The following PIK3CD variants were observed in gnomAD, a reference collection of about 807,000 sequenced individuals.
PIK3CD encodes phosphatidylinositol 4,5-bisphosphate 3-kinase catalytic subunit delta isoform.
Under a neutral mutation model 122.9 loss-of-function variants are expected in PIK3CD, and 20 were observed. The ratio of observed to expected loss-of-function variants is 0.16; its 90% CI spans 0.11 to 0.24. PIK3CD has a LOEUF of 0.24. Ranked by LOEUF, PIK3CD falls within the 10% of genes least tolerant of loss-of-function variation. The pLI, the probability that PIK3CD is intolerant of heterozygous loss-of-function variation, is 1.00. For synonymous variants in PIK3CD, 596 were observed against 593.4 expected, an observed-to-expected ratio of 1.00 and a Z score of -0.06; for missense variants, 787 against 1,406.3, an observed-to-expected ratio of 0.56 and a Z score of 7.04.
intron 1 of PIK3CD, among the ~76,000 whole-genome samples, chr1:9,684,266 G>C (rs1645879703): frequency 6.6e-6 from 1 of 152,186 alleles, no homozygotes; most frequent in Non-Finnish European, 1.5e-5. Flanking sequence ...GCTGGGCGCA[G>C]TGGCTCACGC....
Position 9,712,222 on chromosome 1 carries a change from A to G in PIK3CD, c.141+1626A>G, listed in dbSNP as rs1407616264. ...TGCCCCTTACTAAGCATGGGACTTG[A>G]GGGATCATGCCTTGGGCTGTGGGAG... On this transcript the variant is annotated intron_variant, in intron 3 of 23. Coordinates refer to ENST00000377346, the MANE Select transcript of PIK3CD (RefSeq NM_005026.5). 3.3e-5 allele frequency among the ~76,000 whole-genome samples: 5 copies of G among 152,158 alleles called. No homozygotes were observed. In the East Asian group the frequency reaches 7.7e-4, roughly 23 times the overall value.
At chr1:9,684,533 T>C (rs1166849055) in intron 1 of PIK3CD, among the ~76,000 whole-genome samples, 1 of 136,682 alleles carries the variant, frequency 7.3e-6, no homozygotes, top group Non-Finnish European at 1.5e-5. Context: ...AGAGACTCCG[T>C]CTCAAAAAAA....
At chr1:9,630,153 C>T in the PIK3CD span, among the ~76,000 whole-genome samples, 13 of 152,346 alleles carry the variant, frequency 8.5e-5, no homozygotes, top group Middle Eastern at 3.4e-3. Context: ...AGAATGCCTC[C>T]GGGATTGGAC....
chr1:9,654,074 G>C lies in PIK3CD; in HGVS notation c.-138+2272G>C, dbSNP rs113812179. On this transcript the variant is annotated intron_variant, in intron 1 of 23. Transcript: ENST00000377346. Reference sequence around the variant, plus strand: ...TGACAGAGCAAGAGCCCATCTCTGAGAAACATAATACAACAACCCAGTTGC... The same window carrying C: ...TGACAGAGCAAGAGCCCATCTCTGACAAACATAATACAACAACCCAGTTGC... 8.3e-6 allele frequency: 10 copies of C among 1,201,628 alleles called. No individual in the cohort carries two copies. In the African/African-American group the frequency reaches 1.1e-4, roughly 13 times the overall value. The allele number at this position is 1,201,628 out of a possible 1,614,324, so 74.4% of individuals were successfully genotyped here.
rs756497515 is a variant in PIK3CD, at chr1:9,723,187, G to A, written c.2489G>A (p.Arg830His). 51 of 1,613,696 alleles carry A rather than the reference G, an allele frequency of 3.2e-5. No individual in the cohort carries two copies. The highest frequency in any genetic ancestry group is 1.4e-4 in the South Asian group (13 of 91,090). ...ACAGGCCTCATTGAGGTGGTACTCC[G>A]TTCAGACACCATCGCCAACATCCAA... ...DRTGLIEVVL[R>H]SDTIANIQLN... Residue 830 changes from arginine (R) to histidine (H), a missense_variant, in exon 20 of 24, where the codon CGT becomes CAT. Around this residue, in one of 6 missense-constraint regions of PIK3CD, gnomAD observed 69 missense variants for 166.8 expected, o/e 0.41. Transcript: ENST00000377346. The surrounding 1 kb of genome is among the most constrained non-coding windows in gnomAD (Gnocchi z 4.9).
chr1:9,695,392 C>T (rs1027920379), intron 2 of PIK3CD, among the ~76,000 whole-genome samples: 1 of 151,964 alleles, frequency 6.6e-6, no homozygotes, highest in African/African-American at 2.4e-5. Context: ...AAGTAGTACC[C>T]AATACCATGA....
In PIK3CD at chr1:9,719,009, G is replaced by T; in HGVS notation, c.1242+94G>T. 8.4e-7 allele frequency: 1 copy of T among 1,190,360 alleles called. No homozygotes were observed. Among genetic ancestry groups the T allele is most frequent in the Non-Finnish European group, 1.2e-6 (1 of 825,736 alleles). The allele number at this position is 1,190,360 out of a possible 1,614,324, so 73.7% of individuals were successfully genotyped here. A position where few individuals can be genotyped will look rare whatever the true frequency, so the allele number is the denominator to read the frequency against. On this transcript the variant is annotated intron_variant, in intron 9 of 23. Coordinates refer to ENST00000377346, the MANE Select transcript of PIK3CD (RefSeq NM_005026.5). The surrounding 1 kb of genome is among the most constrained non-coding windows in gnomAD (Gnocchi z 5.5). ...TCACCACTCTCCTCCCGGCAAGCAC[G>T]CAGCCTGGGGATGGGGGTCCTGGGA... is the stretch of plus-strand genomic sequence containing the variant.
At chr1:9,725,239 C>G (rs1649333624) in intron 23 of PIK3CD, among the ~76,000 whole-genome samples, 1 of 152,236 alleles carries the variant, frequency 6.6e-6, no homozygotes, top group Admixed American at 6.5e-5. Context: ...CGCGTGAGCG[C>G]TGGCTCCCTC....
intron 1 of PIK3CD, among the ~76,000 whole-genome samples, chr1:9,678,575 T>G (rs891399053): frequency 2.0e-5 from 3 of 152,150 alleles, no homozygotes; most frequent in African/African-American, 7.2e-5. Context: ...ATGGACTCTC[T>G]CCAGAAAAAG....
Position 9,652,053 on chromosome 1 carries a change from C to T in PIK3CD, c.-138+251C>T, listed in dbSNP as rs1311664604. Reference sequence around the variant, plus strand: ...GGCCCGGGGCCGTCCCCCGTGGGCCCGCCGAGAGGGGCGTGCGCAGCTCCC... The same window carrying T: ...GGCCCGGGGCCGTCCCCCGTGGGCCTGCCGAGAGGGGCGTGCGCAGCTCCC... On this transcript the variant is annotated intron_variant, in intron 1 of 23. Transcript: ENST00000377346. The surrounding 1 kb of genome is among the most constrained non-coding windows in gnomAD (Gnocchi z 6.2). Among the ~76,000 whole-genome samples, 1 of 151,852 alleles carries T rather than the reference C, an allele frequency of 6.6e-6. No homozygotes were observed. The highest frequency in any genetic ancestry group is 1.5e-5 in the Non-Finnish European group (1 of 67,928).
Position 9,701,437 on chromosome 1 carries a change from C to T in PIK3CD, c.-32-8987C>T, listed in dbSNP as rs548115803. Among the ~76,000 whole-genome samples the T allele has an allele frequency of 5.8e-4, 88 of 152,138 alleles. 2 individuals carry two copies. The South Asian group carries it at 0.017, about 29-fold the overall frequency. Reference sequence around the variant, plus strand: ...CTGTAATCCCAGCACTTTGGGAGGCCGAGGCAGGCAGATCACCTGAGGTCA... The same window carrying T: ...CTGTAATCCCAGCACTTTGGGAGGCTGAGGCAGGCAGATCACCTGAGGTCA... On this transcript the variant is annotated intron_variant, in intron 2 of 23. Transcript: ENST00000377346.
In PIK3CD at chr1:9,719,671, A is replaced by AAAAGCC. The variant is rs1553169954; in HGVS notation, c.1243-249_1243-244dup. ...GCAAGACTCCGTCTCAAAAAAAAAA[A>AAAAGCC]AAAGCCTGAGTAGGGGTGAGGTGGG... On this transcript the variant is annotated intron_variant, in intron 9 of 23. Transcript: ENST00000377346. The surrounding 1 kb of genome is among the most constrained non-coding windows in gnomAD (Gnocchi z 5.5). Among the ~76,000 whole-genome samples the AAAAGCC allele has an allele frequency of 6.6e-6, 1 of 151,768 alleles. No individual in the cohort carries two copies. The highest frequency in any genetic ancestry group is 1.5e-5 in the Non-Finnish European group (1 of 67,894).
intron 2 of PIK3CD, among the ~76,000 whole-genome samples, chr1:9,698,847 T>C (rs570929850): frequency 6.3e-4 from 96 of 152,104 alleles, no homozygotes; most frequent in Non-Finnish European, 1.1e-3. Context: ...GCATTTTTTT[T>C]CAGGGTAGTT....
chr1:9,632,994 T>A, the PIK3CD span, among the ~76,000 whole-genome samples: 5 of 151,756 alleles, frequency 3.3e-5, no homozygotes, highest in East Asian at 9.7e-4. Context: ...CCTGAGTAGC[T>A]GAGACTACAG....
chr1:9,690,705 G>A (rs144966120), intron 1 of PIK3CD, among the ~76,000 whole-genome samples: 35 of 152,284 alleles, frequency 2.3e-4, no homozygotes, highest in African/African-American at 8.2e-4. Context: ...TGCAACCCAT[G>A]CCTTTTCCAG....
the PIK3CD span, among the ~76,000 whole-genome samples, chr1:9,637,585 C>T: frequency 2.0e-5 from 3 of 151,962 alleles, no homozygotes; most frequent in South Asian, 2.1e-4. Flanking sequence ...TCTGAAGTCT[C>T]GGTGGAGACA....
At position 9,715,705 on chromosome 1, in the gene PIK3CD, G is replaced by A. The variant is rs1376334251; in HGVS notation, c.306G>A (p.Val102=). 3 of 1,613,586 alleles carry A rather than the reference G, an allele frequency of 1.9e-6. No homozygotes were observed. The South Asian group carries it at 3.3e-5, about 18-fold the overall frequency. ...CCTTCCTGCCCGTCCTGCGCCTGGT[G>A]GCCCGTGAGGGCGACCGCGTGAAGA... ...VQPFLPVLRL[V]AREGDRVKKL... The change falls in exon 4 of 24, where the codon GTG becomes GTA. Residue 102 remains valine, a synonymous_variant. Coordinates refer to ENST00000377346, the MANE Select transcript of PIK3CD (RefSeq NM_005026.5). This position sits in a 1 kb window ranked among gnomAD's most constrained non-coding sequence, Gnocchi z 4.1.
chr1:9,694,616 T>C (rs997115448), intron 2 of PIK3CD, among the ~76,000 whole-genome samples: 1 of 152,042 alleles, frequency 6.6e-6, no homozygotes, highest in African/African-American at 2.4e-5. Flanking sequence ...ACAAGCAGGG[T>C]TAGTGCCTTT....
intron 1 of PIK3CD, chr1:9,672,280 A>G (rs981754947): frequency 2.0e-5 from 3 of 152,226 alleles, no homozygotes; most frequent in African/African-American, 7.2e-5. Flanking sequence ...CTTTAGAGTC[A>G]AATGGGTGCT....
Sources: gnomAD v4.1 joint callset for allele counts (sites outside exome capture counted in the v4.1 genomes callset) on GRCh38, gnomAD v4.1.1 for gene constraint, gnomAD v4.1.1 regional missense constraint, Gnocchi (gnomAD v3.1) non-coding constraint, MANE v1.5 for transcripts, NCBI Gene and HGNC (gene_info 2026-07-23, HGNC 2026-07-21) for gene names.